Variants in PCDHGA5 observed in about 807,000 individuals in gnomAD.
The protein encoded by PCDHGA5 is protocadherin gamma-A5.
Under a neutral mutation model 56.7 loss-of-function variants are expected in PCDHGA5, and 36 were observed. The ratio of observed to expected loss-of-function variants is 0.64; its 90% CI spans 0.49 to 0.84. The LOEUF (loss-of-function observed/expected upper bound fraction) is 0.84, where lower values mean the gene tolerates loss of function less well. Ranked by LOEUF, PCDHGA5 falls within the 40% of genes least tolerant of loss-of-function variation. The probability of loss-of-function intolerance (pLI) is 0.00; values close to 1 mark genes in which losing one functional copy is unlikely to be tolerated. For missense variants in PCDHGA5, 1,305 were observed against 1,201.5 expected (o/e 1.09, Z -1.27); for synonymous variants, 563 against 520.2 (o/e 1.08, Z -1.12).
chr5:141,433,742 C>T lies in PCDHGA5; in HGVS notation c.2422-61065C>T, dbSNP rs927651405. 2.6e-5 allele frequency among the ~76,000 whole-genome samples: 4 copies of T among 150,944 alleles called. No homozygotes were observed. The East Asian group carries it at 7.9e-4, about 30-fold the overall frequency. On this transcript the variant is annotated intron_variant, in intron 1 of 3. Coordinates refer to ENST00000518069, the MANE Select transcript of PCDHGA5 (RefSeq NM_018918.3). Reference sequence around the variant, plus strand: ...ATCCCAGCTACTTGGGAGGCTGAGTCAGGAGAATTGCTTTAACCTGGGAGG... The same window carrying T: ...ATCCCAGCTACTTGGGAGGCTGAGTTAGGAGAATTGCTTTAACCTGGGAGG...
intron 1 of PCDHGA5, chr5:141,440,709 A>C (rs1351127132): frequency 1.3e-5 from 2 of 152,216 alleles, no homozygotes; most frequent in Non-Finnish European, 2.9e-5. Context: ...GTGGAAAGAC[A>C]TATGTTGATC....
chr5:141,383,546 A>G (rs747474981), intron 1 of PCDHGA5: 1 of 1,612,542 alleles, frequency 6.2e-7, no homozygotes, highest in Non-Finnish European at 8.5e-7. Flanking sequence ...ACAGCCTCTG[A>G]TGGCGGCGAC....
chr5:141,410,269 G>A, intron 1 of PCDHGA5: 1 of 1,614,060 alleles, frequency 6.2e-7, no homozygotes, highest in Non-Finnish European at 8.5e-7. Flanking sequence ...CTGAACTGCA[G>A]TTTTACCTGG....
rs771356119 is a variant in PCDHGA5 at position 141,385,251 on chromosome 5, C to G, written c.2421+18500C>G. Reference sequence around the variant, plus strand: ...TAGACATGCTCATCAGCCAGGAGAGCTGTGAGAAAAATGATTCTTTGCTAA... The same window carrying G: ...TAGACATGCTCATCAGCCAGGAGAGGTGTGAGAAAAATGATTCTTTGCTAA... On this transcript the variant is annotated intron_variant, in intron 1 of 3. Coordinates refer to ENST00000518069, the MANE Select transcript of PCDHGA5 (RefSeq NM_018918.3). The G allele has an allele frequency of 1.2e-5, 19 of 1,613,660 alleles. No individual in the cohort carries two copies. The Admixed American group carries it at 1.8e-4, about 16-fold the overall frequency.
intron 1 of PCDHGA5, among the ~76,000 whole-genome samples, chr5:141,469,403 C>T (rs902543178): frequency 4.6e-5 from 7 of 152,060 alleles, no homozygotes; most frequent in South Asian, 2.1e-4. Context: ...GGTGAAACCC[C>T]GTTTCTACTA....
intron 1 of PCDHGA5, among the ~76,000 whole-genome samples, chr5:141,429,706 T>G (rs191069331): frequency 7.6e-4 from 116 of 152,354 alleles, no homozygotes; most frequent in African/African-American, 2.5e-3. Flanking sequence ...ACAGTATAAA[T>G]ATTTACGCTC....
At chr5:141,469,233 C>T (rs2099194657) in intron 1 of PCDHGA5, among the ~76,000 whole-genome samples, 1 of 149,878 alleles carries the variant, frequency 6.7e-6, no homozygotes, top group African/African-American at 2.5e-5. Context: ...GCCATGATCA[C>T]CCCACTGCAC....
chr5:141,421,734 G>A (rs761780459), intron 1 of PCDHGA5: 1 of 1,613,948 alleles, frequency 6.2e-7, no homozygotes, highest in Non-Finnish European at 8.5e-7. Flanking sequence ...ACTCCCTCCA[G>A]AGCTACCAGC....
At chr5:141,384,585 C>G in intron 1 of PCDHGA5, 2 of 1,614,246 alleles carry the variant, frequency 1.2e-6, no homozygotes, top group South Asian at 1.1e-5. Context: ...CGCCCGAGAT[C>G]CTGTACCCGG....
At chr5:141,501,330 CACA>C (rs1301023208) in intron 2 of PCDHGA5, among the ~76,000 whole-genome samples, 82 of 151,502 alleles carry the variant, frequency 5.4e-4, no homozygotes, top group Admixed American at 2.2e-3. Flanking sequence ...CACACACACA[CACA>C]CCCCAAACTC....
In PCDHGA5 at chr5:141,447,883, C is replaced by T. The variant is rs184337553; in HGVS notation, c.2422-46924C>T. Among the ~76,000 whole-genome samples the T allele has an allele frequency of 3.9e-3, 599 of 152,000 alleles. 3 individuals are homozygous for T. The highest frequency in any genetic ancestry group is 0.014 in the African/African-American group (563 of 41,452). ...GGTGAATCATCTGAGGTCAGGAGTT[C>T]GAGACCAGCCTGGCCAACATGGTGA... On this transcript the variant is annotated intron_variant, in intron 1 of 3. Coordinates refer to ENST00000518069, the MANE Select transcript of PCDHGA5 (RefSeq NM_018918.3).
At chr5:141,375,561 A>C in intron 1 of PCDHGA5, 1 of 1,614,064 alleles carries the variant, frequency 6.2e-7, no homozygotes, top group Non-Finnish European at 8.5e-7. Context: ...TCACTGGCAG[A>C]AGACACCCTC....
At chr5:141,370,770 A>G (rs1479523551) in intron 1 of PCDHGA5, 1 of 1,614,024 alleles carries the variant, frequency 6.2e-7, no homozygotes, top group South Asian at 1.1e-5. Context: ...GATCCAGGAT[A>G]TTAACGACAA....
intron 1 of PCDHGA5, chr5:141,384,274 G>T (rs1396743546): frequency 6.2e-7 from 1 of 1,613,704 alleles, no homozygotes; most frequent in East Asian, 2.2e-5. Flanking sequence ...ATCCTACTCA[G>T]TCTACATCGC....
intron 1 of PCDHGA5, among the ~76,000 whole-genome samples, chr5:141,453,360 C>T (rs966238012): frequency 6.6e-6 from 1 of 152,000 alleles, no homozygotes; most frequent in Non-Finnish European, 1.5e-5. Context: ...CCCTGAACTC[C>T]TGGGGTCAAG....
intron 2 of PCDHGA5, 22 bp from the exon 3 acceptor site, chr5:141,505,371 C>G: frequency 1.2e-6 from 2 of 1,613,980 alleles, no homozygotes; most frequent in Non-Finnish European, 1.7e-6. Context: ...AGTCTGTGCT[C>G]ACCATCCTAC....
intron 1 of PCDHGA5, chr5:141,408,979 C>A (rs1331121466): frequency 6.2e-7 from 1 of 1,613,862 alleles, no homozygotes; most frequent in East Asian, 2.2e-5. Flanking sequence ...CCCCTGGGTC[C>A]CCTGTGTTGC....
At position 141,473,299 on chromosome 5, in the gene PCDHGA5, G is replaced by A. The variant is rs182316672; in HGVS notation, c.2422-21508G>A. The stretch of plus-strand genomic sequence containing the variant: ...TATTTTACTATGTCAGTAGCATAAA[G>A]ATTGCTATATTAATAAGCATTAAGT... On this transcript the variant is annotated intron_variant, in intron 1 of 3. Coordinates refer to ENST00000518069, the MANE Select transcript of PCDHGA5 (RefSeq NM_018918.3). 5.6e-4 allele frequency among the ~76,000 whole-genome samples: 86 copies of A among 152,346 alleles called. 1 individual carries two copies. The highest frequency in any genetic ancestry group is 1.9e-3 in the African/African-American group (81 of 41,572).
At chr5:141,421,813 G>A in intron 1 of PCDHGA5, 1 of 1,613,838 alleles carries the variant, frequency 6.2e-7, no homozygotes, top group Non-Finnish European at 8.5e-7. Flanking sequence ...TCCAGAGCTA[G>A]TACTGGAGGG....
Sources: gnomAD v4.1 joint callset for allele counts (sites outside exome capture counted in the v4.1 genomes callset) on GRCh38, gnomAD v4.1.1 for gene constraint, MANE v1.5 for transcripts, NCBI Gene and HGNC (gene_info 2026-07-23, HGNC 2026-07-21) for gene names.